The following KIAA1549 variants were observed in gnomAD, a reference collection of about 807,000 sequenced individuals.
KIAA1549 encodes UPF0606 protein KIAA1549.
KIAA1549 carries 70 observed loss-of-function variants against 156.4 expected under a neutral mutation model. The observed-to-expected ratio is 0.45, with a 90% CI of 0.37 to 0.55. KIAA1549 has a LOEUF of 0.55. Among genes scored for constraint, KIAA1549 ranks in the 20% least tolerant of loss-of-function variants. The probability of loss-of-function intolerance (pLI) is 0.00; values close to 1 mark genes in which losing one functional copy is unlikely to be tolerated. For missense variants in KIAA1549, 2,428 were observed against 2,540.9 expected, an observed-to-expected ratio of 0.96 and a Z score of 0.96; for synonymous variants, 1,103 against 1,066.4, an observed-to-expected ratio of 1.03 and a Z score of -0.67.
chr7:138,933,470 T>C (rs897283916), intron 1 of KIAA1549, among the ~76,000 whole-genome samples: 4 of 152,146 alleles, frequency 2.6e-5, no homozygotes, highest in Non-Finnish European at 4.4e-5. Flanking sequence ...GATGTGCAAG[T>C]CTGGACTGGA....
chr7:138,897,991 T>C (rs928337211), intron 9 of KIAA1549, among the ~76,000 whole-genome samples: 1 of 151,286 alleles, frequency 6.6e-6, no homozygotes, highest in African/African-American at 2.4e-5. Context: ...CTCCTTTTTC[T>C]TCAATTTTAA....
At chr7:138,946,479 AT>A (rs964723426) in intron 1 of KIAA1549, among the ~76,000 whole-genome samples, 6 of 151,960 alleles carry the variant, frequency 3.9e-5, no homozygotes, top group African/African-American at 4.8e-5. Flanking sequence ...CTAAAACAGA[AT>A]TTTTTTTTAA....
At chr7:138,869,830 C>T (rs900099664) in intron 13 of KIAA1549, 69 bp from the exon 14 acceptor site, 1 of 1,035,072 alleles carries the variant, frequency 9.7e-7, no homozygotes, top group African/African-American at 1.6e-5. Context: ...ACACACTTCG[C>T]AAAGTCTTTA....
Position 138,834,088 on chromosome 7 carries a change from A to C in KIAA1549, c.*3818T>G, listed in dbSNP as rs550276400. The C allele has an allele frequency of 1.0e-4, 23 of 224,970 alleles. No individual in the cohort carries two copies. Among genetic ancestry groups the C allele is most frequent in the Non-Finnish European group, 1.9e-4 (22 of 112,924 alleles). 13.9% of individuals were successfully genotyped at this position (224,970 alleles called of 1,614,324 possible). Reference sequence around the variant, plus strand: ...GCCTTCAAAGTCACTTCAGAAGTTGACGTCTCCCCAAGATATTGCATTTCC... The same window carrying C: ...GCCTTCAAAGTCACTTCAGAAGTTGCCGTCTCCCCAAGATATTGCATTTCC... On this transcript the variant is annotated 3_prime_UTR_variant, in exon 20 of 20. Coordinates refer to ENST00000422774, the MANE Select transcript of KIAA1549 (RefSeq NM_001164665.2).
intron 10 of KIAA1549, among the ~76,000 whole-genome samples, chr7:138,891,638 G>T (rs1490838188): frequency 6.6e-6 from 1 of 152,122 alleles, no homozygotes; most frequent in Non-Finnish European, 1.5e-5. Flanking sequence ...ACGAGGGGAA[G>T]GGGGGTGCAG....
intron 1 of KIAA1549, among the ~76,000 whole-genome samples, chr7:138,963,390 G>A (rs769576348): frequency 1.3e-5 from 2 of 152,208 alleles, no homozygotes; most frequent in Non-Finnish European, 2.9e-5. Flanking sequence ...CAGCCTGATA[G>A]GGTACACATT....
chr7:138,904,525 G>A (rs1811951326), intron 7 of KIAA1549, among the ~76,000 whole-genome samples: 1 of 150,876 alleles, frequency 6.6e-6, no homozygotes, highest in Non-Finnish European at 1.5e-5. Context: ...GACAGCTGGT[G>A]AGTACGTAAG....
At chr7:138,957,952 T>C (rs1391193667) in intron 1 of KIAA1549, among the ~76,000 whole-genome samples, 1 of 152,242 alleles carries the variant, frequency 6.6e-6, no homozygotes, top group African/African-American at 2.4e-5. Context: ...TCAGTGTGTC[T>C]GTATTCATGC....
chr7:138,962,222 A>G (rs1320733209), intron 1 of KIAA1549, among the ~76,000 whole-genome samples: 1 of 152,202 alleles, frequency 6.6e-6, no homozygotes, highest in Non-Finnish European at 1.5e-5. Context: ...TTAGTTACCT[A>G]TTATTATGTC....
chr7:138,875,344 T>A (rs531027401), intron 12 of KIAA1549, among the ~76,000 whole-genome samples: 1 of 152,272 alleles, frequency 6.6e-6, no homozygotes, highest in South Asian at 2.1e-4. Context: ...CAAATAAAAA[T>A]CTTAAAAAGA....
At chr7:138,849,046 CA>C (rs1440322656) in intron 17 of KIAA1549, among the ~76,000 whole-genome samples, 3 of 152,090 alleles carry the variant, frequency 2.0e-5, no homozygotes, top group Non-Finnish European at 4.4e-5. Flanking sequence ...AATTTATTAA[CA>C]AAAATGGGTT....
At chr7:138,895,732 AAAG>A (rs887774894) in intron 9 of KIAA1549, among the ~76,000 whole-genome samples, 3 of 152,142 alleles carry the variant, frequency 2.0e-5, no homozygotes, top group Non-Finnish European at 4.4e-5. Flanking sequence ...TGCAATAAAA[AAAG>A]AAGGAAGATG....
intron 4 of KIAA1549, among the ~76,000 whole-genome samples, chr7:138,909,511 C>CA (rs1812108267): frequency 6.6e-6 from 1 of 152,146 alleles, no homozygotes; most frequent in African/African-American, 2.4e-5. Context: ...AAAACGTTCA[C>CA]AGGGGATAGA....
intron 2 of KIAA1549, among the ~76,000 whole-genome samples, chr7:138,914,883 G>A (rs1008996766): frequency 5.9e-5 from 9 of 152,198 alleles, no homozygotes; most frequent in Non-Finnish European, 1.5e-5. Context: ...ATCCAGCTAT[G>A]AGGACTCCTA....
chr7:138,879,422 T>C, intron 12 of KIAA1549, 116 bp downstream of exon 12: 1 of 631,390 alleles, frequency 1.6e-6, no homozygotes, highest in Non-Finnish European at 2.7e-6. Flanking sequence ...AATGATGAAT[T>C]TTCCATTTCC....
At chr7:138,944,902 C>G (rs1041802581) in intron 1 of KIAA1549, among the ~76,000 whole-genome samples, 1 of 152,180 alleles carries the variant, frequency 6.6e-6, no homozygotes, top group African/African-American at 2.4e-5. Flanking sequence ...GCAATGGACC[C>G]CTGTCCACTG....
At chr7:138,962,748 G>A (rs948930692) in intron 1 of KIAA1549, among the ~76,000 whole-genome samples, 1 of 152,070 alleles carries the variant, frequency 6.6e-6, no homozygotes, top group South Asian at 2.1e-4. Flanking sequence ...TTCCTGACCC[G>A]CAGAATCATG....
chr7:138,872,187 T>C (rs992512797), intron 12 of KIAA1549, among the ~76,000 whole-genome samples: 20 of 152,116 alleles, frequency 1.3e-4, no homozygotes, highest in Middle Eastern at 3.4e-3. Context: ...CCTCAAGTGA[T>C]CCACCTGCCT....
At chr7:138,882,207 C>T (rs1004766601) in intron 10 of KIAA1549, among the ~76,000 whole-genome samples, 5 of 152,138 alleles carry the variant, frequency 3.3e-5, no homozygotes, top group South Asian at 2.1e-4. Context: ...CCTGGCCATG[C>T]GCATAAAACC....
Sources: gnomAD v4.1 joint callset for allele counts (sites outside exome capture counted in the v4.1 genomes callset) on GRCh38, gnomAD v4.1.1 for gene constraint, MANE v1.5 for transcripts, NCBI Gene and HGNC (gene_info 2026-07-23, HGNC 2026-07-21) for gene names.